Variants in ZNFX1 observed in about 807,000 individuals in gnomAD.
ZNFX1 encodes zinc finger NFX1-type containing 1, also known as NFX1-type zinc finger-containing protein 1.
Under a neutral mutation model 179.8 loss-of-function variants are expected in ZNFX1, and 78 were observed. The observed-to-expected ratio is 0.43, with a 90% CI of 0.36 to 0.52. The LOEUF (loss-of-function observed/expected upper bound fraction) is 0.52. ZNFX1 is among the 20% of genes least tolerant of loss of function. The pLI, the probability that ZNFX1 is intolerant of heterozygous loss-of-function variation, is 0.00. For synonymous variants in ZNFX1, 848 were observed against 868.5 expected, an observed-to-expected ratio of 0.98 and a Z score of 0.42; for missense variants, 1,927 against 2,386.6, an observed-to-expected ratio of 0.81 and a Z score of 4.01.
chr20:49,252,654 G>A (rs6122777), intron 12 of ZNFX1, 66 bp downstream of exon 12: 150,359 of 1,146,584 alleles, frequency 0.13, 10,778 homozygotes, highest in Middle Eastern at 0.17. Context: ...TCTTTTGCTG[G>A]CAACTGGCAG....
intron 3 of ZNFX1, among the ~76,000 whole-genome samples, chr20:49,269,298 C>T (rs947196804): frequency 6.6e-6 from 1 of 152,126 alleles, no homozygotes; most frequent in African/African-American, 2.4e-5. Flanking sequence ...TAAGTGGGAG[C>T]TAAACATTGA....
chr20:49,264,368 C>A (rs769231860), intron 5 of ZNFX1, among the ~76,000 whole-genome samples: 6 of 152,186 alleles, frequency 3.9e-5, no homozygotes, highest in Non-Finnish European at 8.8e-5. Context: ...TCTCTCTTTT[C>A]CTTAGTAATA....
Position 49,247,557 on chromosome 20 carries a change from A to G in ZNFX1, c.5467T>C (p.Ser1823Pro). 2 of 1,614,208 alleles carry G rather than the reference A, an allele frequency of 1.2e-6. No individual in the cohort carries two copies. Among genetic ancestry groups the G allele is most frequent in the Non-Finnish European group, 1.7e-6 (2 of 1,180,030 alleles). The change falls in exon 14 of 14, where the codon TCT becomes CCT. Residue 1823 changes from serine to proline, a missense_variant. Transcript: ENST00000396105. Reference sequence around the variant, plus strand: ...TCTTCCTCTGAGATGCCCAGGCCAGAGCAGGGAAGGGTGGCTTTCAGAGCT... The same window carrying G: ...TCTTCCTCTGAGATGCCCAGGCCAGGGCAGGGAAGGGTGGCTTTCAGAGCT... ...MEALKATLPC[S>P]GLGISEEERV...
In ZNFX1 at chr20:49,248,344, C is replaced by G. The variant is rs763590925; in HGVS notation, c.4680G>C (p.Lys1560Asn). Residue 1560 changes from lysine to asparagine, a missense_variant, in exon 14 of 14, where the codon AAG (lysine) becomes AAC (asparagine). By Grantham distance (94) the Lys-to-Asn change is moderately conservative (BLOSUM62 0). Transcript: ENST00000396105. This position sits in a 1 kb window ranked among gnomAD's most constrained non-coding sequence, Gnocchi z 4.6. ...CATCCATGTGGCAGATCCGGCATTT[C>G]TTGGGGCATGGCTCCCCACAGAGAC... Reference protein sequence around the residue: ...CIGLCGEPCPKKCRICHMDEV... With the variant: ...CIGLCGEPCPNKCRICHMDEV... 83 of 1,613,980 alleles carry G rather than the reference C, an allele frequency of 5.1e-5. No homozygotes were observed. The highest frequency in any genetic ancestry group is 6.7e-5 in the Non-Finnish European group (79 of 1,179,918).
At chr20:49,251,449 GCTT>G in intron 13 of ZNFX1, 75 bp downstream of exon 13, 6 of 1,417,778 alleles carry the variant, frequency 4.2e-6, no homozygotes, top group Non-Finnish European at 5.8e-6. Context: ...CCGCTGAAAA[GCTT>G]TTTTATCTTG....
chr20:49,254,778 A>T (rs983569534), intron 9 of ZNFX1, 129 bp from the exon 10 acceptor site: 7 of 1,044,660 alleles, frequency 6.7e-6, no homozygotes, highest in South Asian at 1.7e-5. Flanking sequence ...ACAGAGAGAT[A>T]CATTCAGGGA....
At chr20:49,254,152 G>A (rs969872718) in intron 10 of ZNFX1, among the ~76,000 whole-genome samples, 2 of 151,712 alleles carry the variant, frequency 1.3e-5, no homozygotes, top group Non-Finnish European at 2.9e-5. Context: ...CCAGCCTCCC[G>A]AGTAGCCAGG....
At chr20:49,255,285 C>T (rs150674573) in intron 9 of ZNFX1, among the ~76,000 whole-genome samples, 4 of 152,034 alleles carry the variant, frequency 2.6e-5, no homozygotes, top group East Asian at 3.9e-4. Context: ...CCTTGTGATC[C>T]GCCTGTCTCG....
rs1384464934 is a variant in ZNFX1 at position 49,246,607 on chromosome 20, T to TA, written c.*659dup. On this transcript the variant is annotated 3_prime_UTR_variant, in exon 14 of 14. Transcript: ENST00000396105. ...GAATCGGTCTGCATCAATGAGCTCA[T>TA]ACTCTGTTCCTGGGGAACAATGTAG... The TA allele has an allele frequency of 2.2e-5, 7 of 312,662 alleles. No homozygotes were observed. Among genetic ancestry groups the TA allele is most frequent in the Non-Finnish European group, 3.8e-5 (6 of 157,932 alleles). The allele number at this position is 312,662 out of a possible 1,614,324, so 19.4% of individuals were successfully genotyped here. A position where few individuals can be genotyped will look rare whatever the true frequency, so the allele number is the denominator to read the frequency against.
At position 49,270,749 on chromosome 20, in the gene ZNFX1, G is replaced by C. The variant is rs1471632160; in HGVS notation, c.1063C>G (p.Pro355Ala). The C allele has an allele frequency of 6.2e-7, 1 of 1,614,110 alleles. No homozygotes were observed. Among genetic ancestry groups the C allele is most frequent in the Admixed American group, 1.7e-5 (1 of 60,002 alleles). Residue 355 changes from proline to alanine, a missense_variant, in exon 3 of 14, where the codon CCC becomes GCC. By Grantham distance (27) the Pro-to-Ala change is conservative (BLOSUM62 -1). Coordinates refer to ENST00000396105, the MANE Select transcript of ZNFX1 (RefSeq NM_021035.3). This position sits in a 1 kb window ranked among gnomAD's most constrained non-coding sequence, Gnocchi z 4.6. The stretch of plus-strand genomic sequence containing the variant: ...TCGTATTTTCCAGAAATGATATTGG[G>C]GCGAAGGAAGGGCCTCTCATCCAAG... ...VHLDERPFLR[P>A]NIISGKYDST...
intron 3 of ZNFX1, among the ~76,000 whole-genome samples, chr20:49,269,349 A>G (rs1057172282): frequency 2.0e-5 from 3 of 152,132 alleles, no homozygotes; most frequent in Non-Finnish European, 4.4e-5. Flanking sequence ...ACCAGGGCCT[A>G]CTTCAGGATA....
In ZNFX1 at chr20:49,246,041, G is replaced by C. The variant is rs1465016407; in HGVS notation, c.*1226C>G. 6.6e-6 allele frequency: 1 copy of C among 152,560 alleles called. No homozygotes were observed. The highest frequency in any genetic ancestry group is 1.5e-5 in the Non-Finnish European group (1 of 68,050). The allele number at this position is 152,560 out of a possible 1,614,324, so 9.5% of individuals were successfully genotyped here. A position where few individuals can be genotyped will look rare whatever the true frequency, so the allele number is the denominator to read the frequency against. Reference sequence around the variant, plus strand: ...TCTGTTCTAAGGAACACTGGAAGGAGGGAATGCAGATGCAGGCAGCAGGCC... The same window carrying C: ...TCTGTTCTAAGGAACACTGGAAGGACGGAATGCAGATGCAGGCAGCAGGCC... On this transcript the variant is annotated 3_prime_UTR_variant, in exon 14 of 14. Coordinates refer to ENST00000396105, the MANE Select transcript of ZNFX1 (RefSeq NM_021035.3).
In ZNFX1 at chr20:49,248,976, T is replaced by G. The variant is rs963262069; in HGVS notation, c.4048A>C (p.Lys1350Gln). ...ECQPCQVKVPKTIPRCGHEQM... is the reference protein window; with the variant it reads ...ECQPCQVKVPQTIPRCGHEQM... ...TCATGGCCGCACCGAGGAATGGTTT[T>G]GGGCACCTTCACCTGACAAGGCTGA... The change falls in exon 14 of 14, where the codon AAA becomes CAA. Residue 1350 changes from lysine to glutamine, a missense_variant. By Grantham distance (53) the Lys-to-Gln change is moderately conservative. Transcript: ENST00000396105. This position sits in a 1 kb window ranked among gnomAD's most constrained non-coding sequence, Gnocchi z 4.6. 9.9e-6 allele frequency: 16 copies of G among 1,614,238 alleles called. No individual in the cohort carries two copies. The highest frequency in any genetic ancestry group is 1.4e-5 in the Non-Finnish European group (16 of 1,180,034).
intron 10 of ZNFX1, among the ~76,000 whole-genome samples, chr20:49,254,020 T>G (rs1344314924): frequency 8.6e-5 from 6 of 69,890 alleles, no homozygotes; most frequent in Non-Finnish European, 2.1e-4. Flanking sequence ...GTGAGTGAAT[T>G]TCTTTTTTCT....
At position 49,248,187 on chromosome 20, in the gene ZNFX1, C is replaced by T. The variant is rs766079799; in HGVS notation, c.4837G>A (p.Ala1613Thr). The change falls in exon 14 of 14, where the codon GCC (alanine) becomes ACC (threonine). Residue 1613 changes from alanine to threonine, a missense_variant. By Grantham distance (58) the Ala-to-Thr change is moderately conservative. Transcript: ENST00000396105. This position sits in a 1 kb window ranked among gnomAD's most constrained non-coding sequence, Gnocchi z 4.6. The part of the protein sequence containing the change: ...YMNEQKDDEV[A>T]IRLKVCPICQ... ...ATAGGGCAGACTTTCAATCTGATGG[C>T]GACTTCATCATCCTTCTGTTCATTC... 2.1e-5 allele frequency: 34 copies of T among 1,614,034 alleles called. No homozygotes were observed. In the Admixed American group the frequency reaches 3.3e-4, roughly 16 times the overall value.
rs761298895 is a variant in ZNFX1, at chr20:49,271,127, T to C, written c.685A>G (p.Ile229Val). Residue 229 changes from isoleucine to valine, a missense_variant, in exon 3 of 14, where the codon ATC becomes GTC. Coordinates refer to ENST00000396105, the MANE Select transcript of ZNFX1 (RefSeq NM_021035.3). ...CGGATGTCAGGGATGGGTTCAGTGA[T>C]CATCCCTACCACATAAGCAGGCAGG... ...VCLPAYVVGM[I>V]TEPIPDIRNQ... 5 of 1,614,156 alleles carry C rather than the reference T, an allele frequency of 3.1e-6. No homozygotes were observed. In the South Asian group the frequency reaches 4.4e-5, roughly 14 times the overall value.
At chr20:49,254,913 A>AAT (rs1980931076) in intron 9 of ZNFX1, among the ~76,000 whole-genome samples, 1 of 152,114 alleles carries the variant, frequency 6.6e-6, no homozygotes, top group African/African-American at 2.4e-5. Context: ...CTTTGGGAAG[A>AAT]ATTCTCCCAG....
At chr20:49,274,723 C>T (rs545745216) in intron 2 of ZNFX1, among the ~76,000 whole-genome samples, 2 of 152,192 alleles carry the variant, frequency 1.3e-5, no homozygotes, top group African/African-American at 4.8e-5. Flanking sequence ...CGCACCACTG[C>T]ACTCCAGCCT....
intron 9 of ZNFX1, 37 bp from the exon 10 acceptor site, chr20:49,254,686 T>A: frequency 6.2e-7 from 1 of 1,606,230 alleles, no homozygotes; most frequent in African/African-American, 1.3e-5. Context: ...GAAAGCCACA[T>A]GCTCTTTGAG....
Sources: gnomAD v4.1 joint callset for allele counts (sites outside exome capture counted in the v4.1 genomes callset) on GRCh38, gnomAD v4.1.1 for gene constraint, Gnocchi (gnomAD v3.1) non-coding constraint, MANE v1.5 for transcripts, NCBI Gene and HGNC (gene_info 2026-07-23, HGNC 2026-07-21) for gene names.